Variants in SLC7A6 observed in about 807,000 individuals in gnomAD.
SLC7A6 encodes the protein solute carrier family 7 member 6.
A neutral mutation model predicts 46.6 loss-of-function variants in SLC7A6; 29 were observed. The ratio of observed to expected loss-of-function variants is 0.62; its 90% CI spans 0.46 to 0.85. The LOEUF (loss-of-function observed/expected upper bound fraction) is 0.85. Among genes scored for constraint, SLC7A6 ranks in the 40% least tolerant of loss-of-function variants. The pLI, the probability that SLC7A6 is intolerant of heterozygous loss-of-function variation, is 0.00. For missense variants in SLC7A6, 527 were observed against 647.6 expected, an observed-to-expected ratio of 0.81 and a Z score of 2.02; for synonymous variants, 276 against 257.3, an observed-to-expected ratio of 1.07 and a Z score of -0.70.
intron 5 of SLC7A6, 112 bp from the exon 6 acceptor site, chr16:68,291,097 C>T (rs1567593101): frequency 1.4e-6 from 2 of 1,400,706 alleles, no homozygotes; most frequent in Non-Finnish European, 2.0e-6. Flanking sequence ...CCCTCAAAGA[C>T]TTGGAGGCTA....
At chr16:68,294,898 C>T in intron 8 of SLC7A6, 97 bp downstream of exon 8, 1 of 775,848 alleles carries the variant, frequency 1.3e-6, no homozygotes, top group Non-Finnish European at 2.2e-6. Flanking sequence ...TGAGAAAGGC[C>T]TTACTCTAAG....
chr16:68,293,268 A>G (rs1020819042), intron 7 of SLC7A6, among the ~76,000 whole-genome samples: 21 of 152,106 alleles, frequency 1.4e-4, no homozygotes, highest in Non-Finnish European at 2.9e-4. Context: ...ATACAAAAAA[A>G]GAAAAATTAG....
At chr16:68,273,271 C>G (rs866646732) in intron 2 of SLC7A6, among the ~76,000 whole-genome samples, 1 of 152,132 alleles carries the variant, frequency 6.6e-6, no homozygotes, top group Non-Finnish European at 1.5e-5. Context: ...ACATCACATA[C>G]ACATTTGTTG....
intron 1 of SLC7A6, among the ~76,000 whole-genome samples, chr16:68,265,087 C>T (rs1012321207): frequency 6.6e-6 from 1 of 152,206 alleles, no homozygotes; most frequent in Non-Finnish European, 1.5e-5. Context: ...GGCTCAGGAC[C>T]TCAGGAGCCA....
intron 5 of SLC7A6, chr16:68,290,747 C>G: frequency 1.6e-6 from 1 of 617,644 alleles, no homozygotes; most frequent in Non-Finnish European, 2.8e-6. Context: ...CACGTTCGCA[C>G]TGGAGGATAG....
At chr16:68,266,282 T>C (rs2042533409) in intron 1 of SLC7A6, among the ~76,000 whole-genome samples, 1 of 151,976 alleles carries the variant, frequency 6.6e-6, no homozygotes, top group African/African-American at 2.4e-5. Flanking sequence ...AAAAAAGTTA[T>C]GTAAACGGTG....
chr16:68,283,753 T>G (rs1284108792), intron 3 of SLC7A6, among the ~76,000 whole-genome samples: 1 of 152,204 alleles, frequency 6.6e-6, no homozygotes, highest in Non-Finnish European at 1.5e-5. Context: ...CGCTCCTTGG[T>G]GCAGGCTTGT....
At chr16:68,287,935 ACT>A (rs2042972361) in intron 4 of SLC7A6, 64 bp downstream of exon 4, 1 of 1,584,644 alleles carries the variant, frequency 6.3e-7, no homozygotes, top group East Asian at 2.3e-5. Flanking sequence ...GAACATGGCG[ACT>A]CTGTTAGCTT....
Position 68,301,444 on chromosome 16 carries a change from T to C in SLC7A6, c.*4116T>C, listed in dbSNP as rs201992684. Reference sequence around the variant, plus strand: ...CCGGGAGTGGATTCTAAATGTGATTTTCCTAGGCTACTGCAGGAGCCCCTT... The same window carrying C: ...CCGGGAGTGGATTCTAAATGTGATTCTCCTAGGCTACTGCAGGAGCCCCTT... On this transcript the variant is annotated 3_prime_UTR_variant, in exon 11 of 11. Coordinates refer to ENST00000219343, the MANE Select transcript of SLC7A6 (RefSeq NM_003983.6). The C allele has an allele frequency of 6.9e-6, 11 of 1,594,254 alleles. No individual in the cohort carries two copies. Among genetic ancestry groups the C allele is most frequent in the Non-Finnish European group, 9.4e-6 (11 of 1,166,420 alleles).
intron 3 of SLC7A6, among the ~76,000 whole-genome samples, chr16:68,286,899 T>C (rs2042946402): frequency 6.6e-6 from 1 of 152,038 alleles, no homozygotes; most frequent in Non-Finnish European, 1.5e-5. Flanking sequence ...ATCCATAAAA[T>C]GGGAATAGGA....
chr16:68,287,279 C>T (rs2042955515), intron 3 of SLC7A6: 1 of 1,273,848 alleles, frequency 7.9e-7, no homozygotes, highest in Non-Finnish European at 1.0e-6. Flanking sequence ...CACCTGGCCT[C>T]ATTTTTACAC....
At chr16:68,293,711 A>G (rs2043104329) in intron 7 of SLC7A6, among the ~76,000 whole-genome samples, 1 of 152,158 alleles carries the variant, frequency 6.6e-6, no homozygotes, top group Non-Finnish European at 1.5e-5. Flanking sequence ...ACGCTCTTTC[A>G]TACCTCCACA....
rs1231836955 is a variant in SLC7A6 at position 68,298,000 on chromosome 16, T to C, written c.*672T>C. On this transcript the variant is annotated 3_prime_UTR_variant, in exon 11 of 11. Transcript: ENST00000219343. ...CTCTGACCACAGGTTTTATGCTGTT[T>C]AGCACAATTTCTATTGAGTCTTACC... 2 of 152,646 alleles carry C rather than the reference T, an allele frequency of 1.3e-5. No individual in the cohort carries two copies. Among genetic ancestry groups the C allele is most frequent in the Non-Finnish European group, 1.5e-5 (1 of 68,036 alleles). 9.5% of individuals were successfully genotyped at this position (152,646 alleles called of 1,614,324 possible). A position where few individuals can be genotyped will look rare whatever the true frequency, so the allele number is the denominator to read the frequency against.
At position 68,301,258 on chromosome 16, in the gene SLC7A6, T is replaced by C. The variant is rs145637710; in HGVS notation, c.*3930T>C. 7.3e-4 allele frequency: 1,173 copies of C among 1,613,014 alleles called. 10 individuals are homozygous for C. The African/African-American group carries it at 0.015, about 20-fold the overall frequency. On this transcript the variant is annotated 3_prime_UTR_variant, in exon 11 of 11. Coordinates refer to ENST00000219343, the MANE Select transcript of SLC7A6 (RefSeq NM_003983.6). ...CTCAAGGGCATGTGGCAGAACCTCA[T>C]GGACATCACAAGACCATCAGTCTGA...
intron 7 of SLC7A6, among the ~76,000 whole-genome samples, chr16:68,293,624 A>C (rs1292782723): frequency 6.6e-6 from 1 of 152,138 alleles, no homozygotes; most frequent in African/African-American, 2.4e-5. Flanking sequence ...CCTTGTATGC[A>C]GGTTCTTCCC....
intron 3 of SLC7A6, among the ~76,000 whole-genome samples, chr16:68,281,811 C>G (rs2042833953): frequency 2.0e-5 from 3 of 152,206 alleles, no homozygotes; most frequent in African/African-American, 7.2e-5. Context: ...GGGATCCTCC[C>G]TCTTGTGTAG....
chr16:68,279,841 G>A (rs539737326), intron 3 of SLC7A6, among the ~76,000 whole-genome samples: 56 of 152,298 alleles, frequency 3.7e-4, no homozygotes, highest in African/African-American at 1.1e-3. Context: ...GTGTGGGCCC[G>A]CCAGCCTCTT....
chr16:68,277,636 AT>A (rs201567606), intron 3 of SLC7A6, among the ~76,000 whole-genome samples: 1 of 147,640 alleles, frequency 6.8e-6, no homozygotes, highest in African/African-American at 2.5e-5. Flanking sequence ...ATTAAAAAAA[AT>A]TTTTTTTGAG....
At chr16:68,285,726 G>A (rs142580985) in intron 3 of SLC7A6, among the ~76,000 whole-genome samples, 56 of 152,282 alleles carry the variant, frequency 3.7e-4, no homozygotes, top group African/African-American at 1.3e-3. Flanking sequence ...GGAATTGGAA[G>A]TTAGAGTGAA....
Sources: allele counts gnomAD v4.1 joint callset (sites outside exome capture counted in the v4.1 genomes callset), GRCh38; gene constraint gnomAD v4.1.1; transcripts MANE v1.5; gene names NCBI Gene and HGNC (gene_info 2026-07-23, HGNC 2026-07-21).